VPS54: variants seen among roughly 807,000 people sequenced by gnomAD.
VPS54 encodes the protein vacuolar protein sorting-associated protein 54.
VPS54 carries 45 observed loss-of-function variants against 121.5 expected under a neutral mutation model. That is an observed-to-expected ratio of 0.37 (90% CI 0.29 to 0.47). The LOEUF is 0.47. Ranked by LOEUF, VPS54 falls within the 20% of genes least tolerant of loss-of-function variation. The pLI is 0.99. For synonymous variants in VPS54, 371 were observed against 385.8 expected, an observed-to-expected ratio of 0.96 and a Z score of 0.45; for missense variants, 1,090 against 1,131.4, an observed-to-expected ratio of 0.96 and a Z score of 0.52.
At chr2:63,997,843 T>C (rs147971440) in intron 1 of VPS54, among the ~76,000 whole-genome samples, 247 of 152,190 alleles carry the variant, frequency 1.6e-3, no homozygotes, top group Non-Finnish European at 3.1e-3. Context: ...GCTATAAACT[T>C]TCCTCTTTGT....
chr2:64,015,312 G>A (rs1048252019), intron 1 of VPS54, among the ~76,000 whole-genome samples: 11 of 151,918 alleles, frequency 7.2e-5, no homozygotes, highest in East Asian at 3.8e-4. Flanking sequence ...CAGTATCTGC[G>A]TCATGTCGTA....
chr2:63,944,640 C>A lies in VPS54; in HGVS notation c.1261G>T (p.Val421Phe). ...NIIKQCVINK[V>F]SQTEEIDTDV... ...GTGTCTATTTCTTCTGTTTGTGAAACTTTATTAATCACACACTGCAAAATT... is the reference window on the plus strand; with the variant it reads ...GTGTCTATTTCTTCTGTTTGTGAAAATTTATTAATCACACACTGCAAAATT... The change falls in exon 10 of 23, where the codon GTT becomes TTT. Residue 421 changes from valine (V) to phenylalanine (F), a missense_variant. Val to Phe is a conservative substitution (Grantham distance 50). Transcript: ENST00000272322. 6.2e-7 allele frequency: 1 copy of A among 1,609,324 alleles called. No individual in the cohort carries two copies. Among genetic ancestry groups the A allele is most frequent in the Non-Finnish European group, 8.5e-7 (1 of 1,178,282 alleles).
Position 63,967,423 on chromosome 2 carries a change from A to G in VPS54, c.493-1457T>C, listed in dbSNP as rs528807829. On this transcript the variant is annotated intron_variant, in intron 5 of 22. Coordinates refer to ENST00000272322, the MANE Select transcript of VPS54 (RefSeq NM_016516.3). ...TTCAATCCAAGGGATGTGATAAAAT[A>G]TTATAAGGAGACTGGGCCCAGTGGT... Among the ~76,000 whole-genome samples, 4 of 152,248 alleles carry G rather than the reference A, an allele frequency of 2.6e-5. No individual in the cohort carries two copies. The South Asian group carries it at 8.3e-4, about 32-fold the overall frequency.
At chr2:63,992,296 A>G (rs759095360) in intron 1 of VPS54, among the ~76,000 whole-genome samples, 3 of 152,268 alleles carry the variant, frequency 2.0e-5, no homozygotes, top group Non-Finnish European at 2.9e-5. Context: ...ATTCAAGGAA[A>G]AAAGTTTGAG....
At chr2:63,929,428 C>T (rs1674076269) in intron 12 of VPS54, among the ~76,000 whole-genome samples, 1 of 152,070 alleles carries the variant, frequency 6.6e-6, no homozygotes. Context: ...GGGTAAATAA[C>T]AAAATGAAGG....
intron 1 of VPS54, among the ~76,000 whole-genome samples, chr2:63,987,341 T>G (rs1462894005): frequency 6.6e-6 from 1 of 152,226 alleles, no homozygotes; most frequent in African/African-American, 2.4e-5. Context: ...GATTGTCCTT[T>G]GTTAAGAATG....
At chr2:63,993,891 C>T (rs1161508085) in intron 1 of VPS54, among the ~76,000 whole-genome samples, 2 of 152,152 alleles carry the variant, frequency 1.3e-5, no homozygotes, top group East Asian at 3.8e-4. Context: ...CCTTATACCT[C>T]TGCTCAAAAG....
intron 16 of VPS54, among the ~76,000 whole-genome samples, chr2:63,915,952 C>T (rs953479036): frequency 6.6e-6 from 1 of 152,120 alleles, no homozygotes; most frequent in Non-Finnish European, 1.5e-5. Flanking sequence ...TATTATACTA[C>T]GGTAAGTGCC....
intron 9 of VPS54, 110 bp from the exon 10 acceptor site, chr2:63,944,765 CT>C: frequency 1.2e-6 from 1 of 858,678 alleles, no homozygotes. Flanking sequence ...TGAACAGACA[CT>C]TTTCAAAAAA....
chr2:63,907,403 A>G (rs1489933806), intron 20 of VPS54, among the ~76,000 whole-genome samples: 1 of 151,822 alleles, frequency 6.6e-6, no homozygotes, highest in Non-Finnish European at 1.5e-5. Context: ...CCGTAATCCC[A>G]GTTACTCAAG....
At chr2:63,996,623 G>A (rs1677607259) in intron 1 of VPS54, among the ~76,000 whole-genome samples, 2 of 152,158 alleles carry the variant, frequency 1.3e-5, no homozygotes, top group African/African-American at 4.8e-5. Context: ...ATATTGCTGA[G>A]TTCTTTCCCC....
At position 63,965,847 on chromosome 2, in the gene VPS54, C is replaced by T; in HGVS notation, c.612G>A (p.Leu204=). The change falls in exon 6 of 23, where the codon TTG becomes TTA. Residue 204 remains leucine, a synonymous_variant. Coordinates refer to ENST00000272322, the MANE Select transcript of VPS54 (RefSeq NM_016516.3). ...AAAAAGAAATTACCTTTTCTTGAAG[C>T]AACTTTGAGGAAGCTGCATCACGAT... ...KGNRDAASSK[L]LQEKLSHYLD... is the part of the protein sequence containing the mutation. 6.2e-7 allele frequency: 1 copy of T among 1,611,270 alleles called. No individual in the cohort carries two copies. Among genetic ancestry groups the T allele is most frequent in the Non-Finnish European group, 8.5e-7 (1 of 1,179,332 alleles).
intron 12 of VPS54, among the ~76,000 whole-genome samples, chr2:63,927,965 A>G (rs1459068904): frequency 6.6e-6 from 1 of 152,238 alleles, no homozygotes; most frequent in Non-Finnish European, 1.5e-5. Context: ...ATTAGAGAAA[A>G]AAGAGTGAAA....
At position 63,962,144 on chromosome 2, in the gene VPS54, A is replaced by C; in HGVS notation, c.924T>G (p.Ser308=). ...QTQPTVQVLL[S]TSEFVGALDL... is the part of the protein sequence containing the mutation. Reference sequence around the variant, plus strand: ...CCAATGCTCCAACAAATTCAGAAGTAGATAATAACACCTGTACTGTAGGCT... The same window carrying C: ...CCAATGCTCCAACAAATTCAGAAGTCGATAATAACACCTGTACTGTAGGCT... The change falls in exon 7 of 23, where the codon TCT becomes TCG. Residue 308 remains serine (S), a synonymous_variant. Coordinates refer to ENST00000272322, the MANE Select transcript of VPS54 (RefSeq NM_016516.3). 1.2e-6 allele frequency: 2 copies of C among 1,610,622 alleles called. No individual in the cohort carries two copies. Among genetic ancestry groups the C allele is most frequent in the Non-Finnish European group, 1.7e-6 (2 of 1,176,962 alleles).
rs796826932 is a variant in VPS54, at chr2:63,902,310, A to G, written c.2626-2729T>C. Among the ~76,000 whole-genome samples, 27 of 152,322 alleles carry G rather than the reference A, an allele frequency of 1.8e-4. 1 individual carries two copies. The highest frequency in any genetic ancestry group is 6.5e-4 in the African/African-American group (27 of 41,562). On this transcript the variant is annotated intron_variant, in intron 20 of 22. Coordinates refer to ENST00000272322, the MANE Select transcript of VPS54 (RefSeq NM_016516.3). Reference sequence around the variant, plus strand: ...CCAACACTGAGAAAAACCCTCTAACAACACCTCAGGCCCTACATTAAACAC... The same window carrying G: ...CCAACACTGAGAAAAACCCTCTAACGACACCTCAGGCCCTACATTAAACAC...
At chr2:63,984,316 T>C (rs1196950494) in intron 1 of VPS54, among the ~76,000 whole-genome samples, 2 of 152,232 alleles carry the variant, frequency 1.3e-5, no homozygotes, top group African/African-American at 4.8e-5. Context: ...ATTCAGCAAG[T>C]ACACAGTAGT....
At chr2:63,971,741 A>G (rs1480900765) in intron 4 of VPS54, among the ~76,000 whole-genome samples, 1 of 152,202 alleles carries the variant, frequency 6.6e-6, no homozygotes, top group East Asian at 1.9e-4. Context: ...AAACTTATTC[A>G]GGACAACATC....
At chr2:63,903,567 G>C (rs987576435) in intron 20 of VPS54, among the ~76,000 whole-genome samples, 3 of 152,014 alleles carry the variant, frequency 2.0e-5, no homozygotes, top group African/African-American at 7.2e-5. Context: ...AAAAACAGTG[G>C]CAAGGTATCA....
intron 3 of VPS54, among the ~76,000 whole-genome samples, chr2:63,974,442 A>G (rs1451388759): frequency 6.6e-6 from 1 of 152,178 alleles, no homozygotes; most frequent in Non-Finnish European, 1.5e-5. Context: ...CTTTTTCTAT[A>G]TAAGCTTTAG....
Sources: gnomAD v4.1 joint callset for allele counts (sites outside exome capture counted in the v4.1 genomes callset) on GRCh38, gnomAD v4.1.1 for gene constraint, MANE v1.5 for transcripts, NCBI Gene and HGNC (gene_info 2026-07-23, HGNC 2026-07-21) for gene names.